Variants in NCAM2 observed in about 807,000 individuals in gnomAD.
NCAM2 encodes the protein N-CAM-2.
Under a neutral mutation model 98.1 loss-of-function variants are expected in NCAM2, and 30 were observed. The ratio of observed to expected loss-of-function variants is 0.31; its 90% CI spans 0.23 to 0.41. The LOEUF is 0.41. Among genes scored for constraint, NCAM2 ranks in the 10% least tolerant of loss-of-function variants. The pLI is 1.00. For synonymous variants in NCAM2, 368 were observed against 342.4 expected (o/e 1.07, Z -0.83); for missense variants, 867 against 1,005.8 (o/e 0.86, Z 1.87).
At chr21:21,028,708 T>C (rs1391380878) in intron 1 of NCAM2, among the ~76,000 whole-genome samples, 1 of 152,190 alleles carries the variant, frequency 6.6e-6, no homozygotes, top group African/African-American at 2.4e-5. Context: ...TAATAGTCTT[T>C]TATTTGTGCA....
intron 5 of NCAM2, among the ~76,000 whole-genome samples, chr21:21,305,701 G>T (rs1040669422): frequency 6.6e-6 from 1 of 151,874 alleles, no homozygotes; most frequent in Non-Finnish European, 1.5e-5. Context: ...ACAGCTTTTG[G>T]TTTTTCTTGA....
At position 21,514,472 on chromosome 21, in the gene NCAM2, C is replaced by CA. The variant is rs56710788; in HGVS notation, c.2282+5442dup. Reference sequence around the variant, plus strand: ...AAGAGCAAAACTTTGTCTCAAAAAACAAAAAAAAAAAAAAAAAAAAAAAAA... The same window carrying CA: ...AAGAGCAAAACTTTGTCTCAAAAAACAAAAAAAAAAAAAAAAAAAAAAAAAA... On this transcript the variant is annotated intron_variant, in intron 16 of 17. Coordinates refer to ENST00000400546, the MANE Select transcript of NCAM2 (RefSeq NM_004540.5). Among the ~76,000 whole-genome samples, 268 of 127,674 alleles carry CA rather than the reference C, an allele frequency of 2.1e-3. 1 individual carries two copies. Among genetic ancestry groups the CA allele is most frequent in the African/African-American group, 6.9e-3 (233 of 33,582 alleles). The allele number at this position is 127,674 out of a possible 152,430, so 83.8% of individuals were successfully genotyped here.
intron 5 of NCAM2, among the ~76,000 whole-genome samples, chr21:21,313,859 GA>G (rs2074134547): frequency 6.6e-6 from 1 of 151,934 alleles, no homozygotes; most frequent in East Asian, 1.9e-4. Flanking sequence ...AATTTGTGGG[GA>G]GGGGGTGTTG....
chr21:21,017,293 G>A (rs1318047136), intron 1 of NCAM2, among the ~76,000 whole-genome samples: 2 of 151,864 alleles, frequency 1.3e-5, no homozygotes, highest in Non-Finnish European at 2.9e-5. Context: ...GGGCGTGGTG[G>A]TACATGCCTG....
chr21:21,399,318 C>G (rs2076579824), intron 9 of NCAM2, among the ~76,000 whole-genome samples: 2 of 152,200 alleles, frequency 1.3e-5, no homozygotes, highest in East Asian at 3.9e-4. Context: ...TATGACAGTT[C>G]TTTTGCTGTT....
chr21:21,405,348 T>A (rs2076718694), intron 9 of NCAM2, among the ~76,000 whole-genome samples: 5 of 152,126 alleles, frequency 3.3e-5, no homozygotes, highest in South Asian at 4.1e-4. Context: ...AACCTCTTAA[T>A]GCCTCAGCAG....
chr21:21,366,482 A>AGTGC (rs2075789500), intron 8 of NCAM2, among the ~76,000 whole-genome samples: 1 of 152,120 alleles, frequency 6.6e-6, no homozygotes, highest in South Asian at 2.1e-4. Flanking sequence ...GCACTAAATG[A>AGTGC]GTGCATTAGT....
chr21:21,192,319 A>C (rs1254123856), intron 1 of NCAM2, among the ~76,000 whole-genome samples: 4 of 152,176 alleles, frequency 2.6e-5, no homozygotes, highest in African/African-American at 4.8e-5. Context: ...TAGATGGATG[A>C]GAATCATGAC....
chr21:21,307,391 A>G (rs1295050658), intron 5 of NCAM2, among the ~76,000 whole-genome samples: 1 of 152,194 alleles, frequency 6.6e-6, no homozygotes, highest in East Asian at 1.9e-4. Context: ...ATATTTTTAC[A>G]TTAATCATAA....
At chr21:21,026,891 C>T (rs1007434613) in intron 1 of NCAM2, among the ~76,000 whole-genome samples, 27 of 116,052 alleles carry the variant, frequency 2.3e-4, no homozygotes, top group African/African-American at 8.9e-4. Flanking sequence ...GCATCTCATT[C>T]TGTTGCCCAG....
At chr21:21,264,605 CA>C (rs928240474) in intron 1 of NCAM2, among the ~76,000 whole-genome samples, 1 of 151,056 alleles carries the variant, frequency 6.6e-6, no homozygotes, top group African/African-American at 2.4e-5. Flanking sequence ...AAGTGTCAAT[CA>C]ATGTTGGATT....
chr21:21,187,877 T>C (rs2068693254), intron 1 of NCAM2, among the ~76,000 whole-genome samples: 1 of 152,194 alleles, frequency 6.6e-6, no homozygotes, highest in Non-Finnish European at 1.5e-5. Flanking sequence ...AAATAGTGTG[T>C]CTGAACTTCT....
At chr21:21,518,068 T>C (rs532202132) in intron 16 of NCAM2, among the ~76,000 whole-genome samples, 1 of 152,248 alleles carries the variant, frequency 6.6e-6, no homozygotes, top group African/African-American at 2.4e-5. Context: ...GTGACATAAG[T>C]AAAGAAATGC....
chr21:21,106,467 T>C (rs17580815), intron 1 of NCAM2, among the ~76,000 whole-genome samples: 5,374 of 152,018 alleles, frequency 0.035, 122 homozygotes, highest in Non-Finnish European at 0.042. Context: ...TTGACAAAAA[T>C]GTAAAATATA....
At chr21:21,183,659 A>G (rs2068548790) in intron 1 of NCAM2, among the ~76,000 whole-genome samples, 1 of 152,164 alleles carries the variant, frequency 6.6e-6, no homozygotes, top group Admixed American at 6.5e-5. Context: ...CAAAATCTTA[A>G]AATTTCAATG....
At chr21:21,032,290 TTTAG>T (rs2064701553) in intron 1 of NCAM2, among the ~76,000 whole-genome samples, 1 of 152,232 alleles carries the variant, frequency 6.6e-6, no homozygotes, top group Non-Finnish European at 1.5e-5. Flanking sequence ...TTATTTATTA[TTTAG>T]TAAGTAAATT....
intron 1 of NCAM2, among the ~76,000 whole-genome samples, chr21:21,060,240 A>T (rs1404901971): frequency 1.3e-5 from 2 of 152,138 alleles, no homozygotes; most frequent in Non-Finnish European, 2.9e-5. Context: ...CCACATCACT[A>T]AAAAACAGTA....
At chr21:21,207,522 A>C (rs2069486867) in intron 1 of NCAM2, among the ~76,000 whole-genome samples, 1 of 143,840 alleles carries the variant, frequency 7.0e-6, no homozygotes, top group Non-Finnish European at 1.5e-5. Flanking sequence ...AACTATTTGA[A>C]CTAAGGTGTA....
intron 1 of NCAM2, among the ~76,000 whole-genome samples, chr21:21,037,453 A>G (rs550574696): frequency 2.6e-5 from 4 of 152,196 alleles, no homozygotes; most frequent in Non-Finnish European, 5.9e-5. Flanking sequence ...GAATTTATGG[A>G]TGCTATTCAA....
Sources: allele counts gnomAD v4.1 joint callset (sites outside exome capture counted in the v4.1 genomes callset), GRCh38; gene constraint gnomAD v4.1.1; transcripts MANE v1.5; gene names NCBI Gene and HGNC (gene_info 2026-07-23, HGNC 2026-07-21).